Variants in EVC observed in about 807,000 individuals in gnomAD.
The protein encoded by EVC is EvC ciliary complex subunit 1, also known as evC complex member EVC.
EVC carries 116 observed loss-of-function variants against 118.9 expected under a neutral mutation model. The ratio of observed to expected loss-of-function variants is 0.98; its 90% CI spans 0.84 to 1.14. The LOEUF (loss-of-function observed/expected upper bound fraction) is 1.14, where lower values mean the gene tolerates loss of function less well. EVC is among the 50% of genes most tolerant of loss of function. The probability of loss-of-function intolerance (pLI) is 0.00; values close to 1 mark genes in which losing one functional copy is unlikely to be tolerated. For missense variants in EVC, 1,401 were observed against 1,246.4 expected (o/e 1.12, Z -1.87); for synonymous variants, 619 against 534.7 (o/e 1.16, Z -2.18).
chr4:5,809,698 G>T, intron 19 of EVC, 87 bp downstream of exon 19: 1 of 1,223,580 alleles, frequency 8.2e-7, no homozygotes, highest in Non-Finnish European at 1.2e-6. Context: ...CTAACTAGCT[G>T]TGTGACCTTA....
chr4:5,778,846 T>G (rs57562723), intron 11 of EVC, among the ~76,000 whole-genome samples: 18,129 of 151,758 alleles, frequency 0.12, 1,606 homozygotes, highest in African/African-American at 0.26. Context: ...TTAGTTTAAT[T>G]AGATCCCATT....
At chr4:5,796,050 C>G (rs1049608708) in intron 13 of EVC, among the ~76,000 whole-genome samples, 42 of 152,214 alleles carry the variant, frequency 2.8e-4, no homozygotes, top group African/African-American at 9.9e-4. Flanking sequence ...TTTGAGGTAT[C>G]TTCCAGCCAC....
At chr4:5,788,227 G>C (rs1272655069) in intron 12 of EVC, among the ~76,000 whole-genome samples, 1 of 152,178 alleles carries the variant, frequency 6.6e-6, no homozygotes, top group Non-Finnish European at 1.5e-5. Flanking sequence ...CAATTTCTGT[G>C]GGTCAGGGGT....
intron 2 of EVC, among the ~76,000 whole-genome samples, chr4:5,720,046 T>C (rs566308336): frequency 1.3e-5 from 2 of 152,296 alleles, no homozygotes; most frequent in South Asian, 2.1e-4. Context: ...AAAAAAATTC[T>C]ATTTGTTCCT....
intron 13 of EVC, among the ~76,000 whole-genome samples, chr4:5,794,307 T>C (rs28665524): frequency 8.4e-6 from 1 of 119,250 alleles, no homozygotes; most frequent in Non-Finnish European, 1.7e-5. Flanking sequence ...ATTTATATTT[T>C]TATATATTTA....
Position 5,784,010 on chromosome 4 carries a change from G to A in EVC, c.1776+246G>A, listed in dbSNP as rs891574442. Among the ~76,000 whole-genome samples the A allele has an allele frequency of 9.2e-5, 14 of 152,172 alleles. No individual in the cohort carries two copies. In the East Asian group the frequency reaches 2.5e-3, roughly 27 times the overall value. On this transcript the variant is annotated intron_variant, in intron 12 of 20. Coordinates refer to ENST00000264956, the MANE Select transcript of EVC (RefSeq NM_153717.3). ...TCGATTAAGAAGAGCAGCAAAGCTT[G>A]TTCTTTAGAACGAGAGAAATAAGTA...
chr4:5,751,769 G>A (rs1054658194), intron 8 of EVC, among the ~76,000 whole-genome samples: 1 of 150,296 alleles, frequency 6.7e-6, no homozygotes, highest in Admixed American at 6.8e-5. Context: ...GACAAGCAGG[G>A]AAGGACCACA....
In EVC at chr4:5,731,302, C is replaced by T; in HGVS notation, c.385-123C>T. The T allele has an allele frequency of 1.1e-6, 1 of 871,544 alleles. No individual in the cohort carries two copies. The highest frequency in any genetic ancestry group is 2.4e-5 in the East Asian group (1 of 41,310). The allele number at this position is 871,544 out of a possible 1,614,324, so 54.0% of individuals were successfully genotyped here. ...TCTGTGGTGTCTGCTGGCACCCTGG[C>T]CAGTCTCCTCCAGGCAGACCTTCCT... On this transcript the variant is annotated intron_variant, in intron 3 of 20. Coordinates refer to ENST00000264956, the MANE Select transcript of EVC (RefSeq NM_153717.3). The surrounding 1 kb of genome is among the most constrained non-coding windows in gnomAD (Gnocchi z 5.6).
intron 4 of EVC, 144 bp from the exon 5 acceptor site, chr4:5,733,207 G>A: frequency 8.1e-6 from 6 of 741,970 alleles, no homozygotes; most frequent in South Asian, 6.8e-5. Flanking sequence ...AACCTGGAGT[G>A]AGCGTAAGGA....
At chr4:5,783,396 G>A (rs1226320749) in intron 11 of EVC, among the ~76,000 whole-genome samples, 156 bp from the exon 12 acceptor site, 1 of 152,086 alleles carries the variant, frequency 6.6e-6, no homozygotes, top group Non-Finnish European at 1.5e-5. Flanking sequence ...TTGTATGTGT[G>A]TCTATGCATG....
In EVC at chr4:5,811,214, C is replaced by T; in HGVS notation, c.*177C>T. 3 of 613,488 alleles carry T rather than the reference C, an allele frequency of 4.9e-6. No individual in the cohort carries two copies. Among genetic ancestry groups the T allele is most frequent in the Non-Finnish European group, 8.7e-6 (3 of 343,946 alleles). 38.0% of individuals were successfully genotyped at this position (613,488 alleles called of 1,614,324 possible). A position where few individuals can be genotyped will look rare whatever the true frequency, so the allele number is the denominator to read the frequency against. On this transcript the variant is annotated 3_prime_UTR_variant, in exon 21 of 21. Transcript: ENST00000264956. ...CCCTAAAAGCATAAATGAGTATCAC[C>T]TGAGAAAATTAGGCATTCCCGTCTT... is the stretch of plus-strand genomic sequence containing the variant.
intron 13 of EVC, among the ~76,000 whole-genome samples, chr4:5,795,526 C>G (rs913562114): frequency 1.3e-5 from 2 of 152,202 alleles, no homozygotes; most frequent in Non-Finnish European, 2.9e-5. Flanking sequence ...GTGGCAGGTG[C>G]CTGTAATCCC....
At position 5,738,081 on chromosome 4, in the gene EVC, A is replaced by G. The variant is rs938105674; in HGVS notation, c.703-3635A>G. On this transcript the variant is annotated intron_variant, in intron 5 of 20. Transcript: ENST00000264956. This position sits in a 1 kb window ranked among gnomAD's most constrained non-coding sequence, Gnocchi z 6.5. The stretch of plus-strand genomic sequence containing the variant: ...AAGAGTTTGGAAGAGGTTGATTTCA[A>G]TCCTCATGAATGACTTTGAGGGGAT... Among the ~76,000 whole-genome samples the G allele has an allele frequency of 6.6e-6, 1 of 152,208 alleles. No homozygotes were observed. The highest frequency in any genetic ancestry group is 2.4e-5 in the African/African-American group (1 of 41,454).
chr4:5,711,932 C>G (rs1723103892), intron 1 of EVC, among the ~76,000 whole-genome samples: 1 of 152,226 alleles, frequency 6.6e-6, no homozygotes, highest in Non-Finnish European at 1.5e-5. Flanking sequence ...CTGCTTCTGC[C>G]TCTTCCATCC....
intron 11 of EVC, among the ~76,000 whole-genome samples, chr4:5,774,992 T>A (rs1037018319): frequency 6.6e-6 from 1 of 152,148 alleles, no homozygotes; most frequent in East Asian, 1.9e-4. Flanking sequence ...ACATTTCTTA[T>A]TAGAAGGAGC....
In EVC at chr4:5,797,133, G is replaced by A. The variant is rs772759204; in HGVS notation, c.1998G>A (p.Gly666=). ...CCCTGACGCAGATGCGGCTATCGGGGAAGAAGCACCTCCTGCAGGAGCTGC... is the reference window on the plus strand; with the variant it reads ...CCCTGACGCAGATGCGGCTATCGGGAAAGAAGCACCTCCTGCAGGAGCTGC... The part of the protein sequence containing the change: ...LATLTQMRLS[G]KKHLLQELRE... Residue 666 remains glycine, a synonymous_variant, in exon 14 of 21, where the codon GGG becomes GGA. Transcript: ENST00000264956. 1 of 1,613,656 alleles carries A rather than the reference G, an allele frequency of 6.2e-7. No homozygotes were observed. The highest frequency in any genetic ancestry group is 1.1e-5 in the South Asian group (1 of 91,082).
intron 11 of EVC, among the ~76,000 whole-genome samples, chr4:5,778,749 C>G (rs1318198092): frequency 6.6e-6 from 1 of 152,096 alleles, no homozygotes; most frequent in Non-Finnish European, 1.5e-5. Context: ...AGCCCTTTGT[C>G]AGATGAGTAG....
In EVC at chr4:5,806,000, G is replaced by A. The variant is rs1442194078; in HGVS notation, c.2561+1159G>A. Reference sequence around the variant, plus strand: ...TGTAACCATCACCCAAATAGTGTACGTTTTACCCATTAATTTCTCATCATC... The same window carrying A: ...TGTAACCATCACCCAAATAGTGTACATTTTACCCATTAATTTCTCATCATC... On this transcript the variant is annotated intron_variant, in intron 17 of 20. Transcript: ENST00000264956. Among the ~76,000 whole-genome samples, 6 of 147,926 alleles carry A rather than the reference G, an allele frequency of 4.1e-5. No individual in the cohort carries two copies. In the South Asian group the frequency reaches 1.3e-3, roughly 32 times the overall value.
At chr4:5,779,105 C>T (rs1228672545) in intron 11 of EVC, among the ~76,000 whole-genome samples, 1 of 152,014 alleles carries the variant, frequency 6.6e-6, no homozygotes, top group East Asian at 1.9e-4. Flanking sequence ...GGAATCCTTT[C>T]CCCATTGCTT....
Sources: gnomAD v4.1 joint callset for allele counts (sites outside exome capture counted in the v4.1 genomes callset) on GRCh38, gnomAD v4.1.1 for gene constraint, Gnocchi (gnomAD v3.1) non-coding constraint, MANE v1.5 for transcripts, NCBI Gene and HGNC (gene_info 2026-07-23, HGNC 2026-07-21) for gene names.